BZW2: variants seen among roughly 807,000 people sequenced by gnomAD.
BZW2 encodes the protein basic leucine zipper and W2 domains 2.
BZW2 carries 23 observed loss-of-function variants against 53.2 expected under a neutral mutation model. The ratio of observed to expected loss-of-function variants is 0.43; its 90% confidence interval spans 0.31 to 0.61. The LOEUF is 0.61. Among genes scored for constraint, BZW2 ranks in the 20% least tolerant of loss-of-function variants. The pLI, the probability that BZW2 is intolerant of heterozygous loss-of-function variation, is 0.09. For missense variants in BZW2, 409 were observed against 503.1 expected (o/e 0.81, Z 1.79); for synonymous variants, 227 against 186.4 (o/e 1.22, Z -1.77).
At chr7:16,657,668 A>G (rs1052622346) in intron 1 of BZW2, among the ~76,000 whole-genome samples, 1 of 152,168 alleles carries the variant, frequency 6.6e-6, no homozygotes, top group Non-Finnish European at 1.5e-5. Context: ...AGATATGACT[A>G]TCTAGTGATA....
chr7:16,662,843 G>A (rs1323162340), intron 1 of BZW2, among the ~76,000 whole-genome samples: 1 of 152,118 alleles, frequency 6.6e-6, no homozygotes, highest in Non-Finnish European at 1.5e-5. Context: ...ATCTTTGGCA[G>A]AGAAGTCTGC....
intron 7 of BZW2, among the ~76,000 whole-genome samples, chr7:16,690,944 C>T (rs1326788641): frequency 6.6e-6 from 1 of 152,212 alleles, no homozygotes; most frequent in African/African-American, 2.4e-5. Flanking sequence ...CTGGCCTGTT[C>T]TCTGTTGTTC....
chr7:16,691,993 T>C (rs928652415), intron 7 of BZW2, among the ~76,000 whole-genome samples: 1 of 152,312 alleles, frequency 6.6e-6, no homozygotes, highest in Non-Finnish European at 1.5e-5. Context: ...CGTAGTTGCC[T>C]ATGCACTATG....
intron 2 of BZW2, among the ~76,000 whole-genome samples, chr7:16,668,385 G>A (rs1782494717): frequency 6.6e-6 from 1 of 152,162 alleles, no homozygotes; most frequent in Admixed American, 6.6e-5. Flanking sequence ...GAGAGCCACT[G>A]AGAAATATAT....
In BZW2 at chr7:16,681,410, G is replaced by A. The variant is rs1562488513; in HGVS notation, c.339+6G>A. 6.2e-7 allele frequency: 1 copy of A among 1,610,330 alleles called. No homozygotes were observed. Among genetic ancestry groups the A allele is most frequent in the African/African-American group, 1.3e-5 (1 of 74,842 alleles). The stretch of plus-strand genomic sequence containing the variant: ...CCATCCGAAACTATGCTCAGGTAGA[G>A]CCTGTTTGAGAGACTGAAGCATTTG... On this transcript the variant is annotated splice_donor_region_variant and intron_variant, in intron 4 of 11. Coordinates refer to ENST00000258761, the MANE Select transcript of BZW2 (RefSeq NM_014038.3).
chr7:16,651,929 T>C (rs1421027527), intron 1 of BZW2, among the ~76,000 whole-genome samples: 1 of 152,150 alleles, frequency 6.6e-6, no homozygotes, highest in Non-Finnish European at 1.5e-5. Flanking sequence ...ATGAGGCAAA[T>C]AATGAAAAAG....
intron 2 of BZW2, among the ~76,000 whole-genome samples, chr7:16,673,470 A>C (rs1418691751): frequency 1.3e-5 from 2 of 152,226 alleles, no homozygotes; most frequent in Non-Finnish European, 2.9e-5. Context: ...GTCTGCCATT[A>C]AGCCAGGCAT....
intron 5 of BZW2, among the ~76,000 whole-genome samples, chr7:16,685,078 A>G (rs980150358): frequency 6.6e-6 from 1 of 152,214 alleles, no homozygotes; most frequent in Non-Finnish European, 1.5e-5. Context: ...AACTGCTGAA[A>G]TGGAGAAAGT....
chr7:16,687,076 A>G (rs1783149807), intron 6 of BZW2: 1 of 152,222 alleles, frequency 6.6e-6, no homozygotes, highest in South Asian at 2.1e-4. Flanking sequence ...CCAACATAAC[A>G]GAAAATAATT....
chr7:16,646,784 A>G (rs1355371196), intron 1 of BZW2, among the ~76,000 whole-genome samples: 1 of 152,236 alleles, frequency 6.6e-6, no homozygotes, highest in African/African-American at 2.4e-5. Context: ...TGGAAGCTGT[A>G]GAAGAAAACC....
chr7:16,700,305 A>G (rs1190981488), intron 10 of BZW2, among the ~76,000 whole-genome samples: 1 of 152,188 alleles, frequency 6.6e-6, no homozygotes, highest in African/African-American at 2.4e-5. Context: ...CACCGTTAAG[A>G]GCGTTACTGT....
intron 1 of BZW2, among the ~76,000 whole-genome samples, chr7:16,655,433 G>A (rs1459100352): frequency 3.3e-5 from 5 of 152,066 alleles, no homozygotes; most frequent in African/African-American, 1.2e-4. Flanking sequence ...GTACAGTGTG[G>A]TGTTTCCATA....
At chr7:16,647,643 A>G (rs181314139) in intron 1 of BZW2, among the ~76,000 whole-genome samples, 223 of 152,348 alleles carry the variant, frequency 1.5e-3, no homozygotes, top group Non-Finnish European at 1.9e-3. Flanking sequence ...ATGCTTTAAT[A>G]ATGATGTGGC....
intron 3 of BZW2, among the ~76,000 whole-genome samples, chr7:16,677,191 G>A (rs1007535505): frequency 6.6e-6 from 1 of 151,854 alleles, no homozygotes; most frequent in African/African-American, 2.4e-5. Flanking sequence ...CCTTCCCACT[G>A]TGCTCTCAGG....
At chr7:16,667,188 A>G (rs2693088) in intron 2 of BZW2, among the ~76,000 whole-genome samples, 4 of 151,924 alleles carry the variant, frequency 2.6e-5, no homozygotes, top group Non-Finnish European at 4.4e-5. Context: ...AGGCTGAGGC[A>G]AGGAGAATCG....
chr7:16,653,399 G>A (rs1481396751), intron 1 of BZW2, among the ~76,000 whole-genome samples: 2 of 151,992 alleles, frequency 1.3e-5, no homozygotes, highest in Non-Finnish European at 2.9e-5. Context: ...CTTCCCACTG[G>A]AGTAATAGTC....
At chr7:16,653,342 G>A (rs1175434070) in intron 1 of BZW2, among the ~76,000 whole-genome samples, 2 of 152,024 alleles carry the variant, frequency 1.3e-5, no homozygotes, top group Non-Finnish European at 2.9e-5. Flanking sequence ...CCTCTGAAGA[G>A]AGGCAAACAC....
chr7:16,650,427 C>T (rs567009999), intron 1 of BZW2, among the ~76,000 whole-genome samples: 75 of 152,194 alleles, frequency 4.9e-4, no homozygotes, highest in South Asian at 1.0e-3. Flanking sequence ...AAAACTGTTT[C>T]GAGCAATGTC....
chr7:16,706,183 G>C lies in BZW2; in HGVS notation c.*95G>C. The C allele has an allele frequency of 7.2e-7, 1 of 1,385,218 alleles. No individual in the cohort carries two copies. Among genetic ancestry groups the C allele is most frequent in the Non-Finnish European group, 1.0e-6 (1 of 997,866 alleles). 85.8% of individuals were successfully genotyped at this position (1,385,218 alleles called of 1,614,324 possible). A position where few individuals can be genotyped will look rare whatever the true frequency, so the allele number is the denominator to read the frequency against. On this transcript the variant is annotated 3_prime_UTR_variant, in exon 12 of 12. Coordinates refer to ENST00000258761, the MANE Select transcript of BZW2 (RefSeq NM_014038.3). Reference sequence around the variant, plus strand: ...GAAGAGAAACTTGGCTTCTGTTTTCGCAAAGGAAAAAAAAAATAGGATAGG... The same window carrying C: ...GAAGAGAAACTTGGCTTCTGTTTTCCCAAAGGAAAAAAAAAATAGGATAGG...
Sources: gnomAD v4.1 joint callset for allele counts (sites outside exome capture counted in the v4.1 genomes callset) on GRCh38, gnomAD v4.1.1 for gene constraint, MANE v1.5 for transcripts, NCBI Gene and HGNC (gene_info 2026-07-23, HGNC 2026-07-21) for gene names.